The following UXS1 variants were observed in gnomAD, a reference collection of about 807,000 sequenced individuals.
UXS1 encodes the protein UDP-glucuronate decarboxylase 1.
In UXS1, 33 loss-of-function variants were observed where a neutral mutation model predicts 62.6. That is an observed-to-expected ratio of 0.53 (90% confidence interval 0.40 to 0.70). The LOEUF is 0.70. Among genes scored for constraint, UXS1 ranks in the 30% least tolerant of loss-of-function variants. UXS1 has a pLI of 0.00. For missense variants in UXS1, 434 were observed against 556.3 expected, an observed-to-expected ratio of 0.78 and a Z score of 2.21; for synonymous variants, 213 against 206.8, an observed-to-expected ratio of 1.03 and a Z score of -0.26.
intron 6 of UXS1, among the ~76,000 whole-genome samples, chr2:106,133,942 C>G (rs1275482045): frequency 7.6e-6 from 1 of 132,434 alleles, no homozygotes; most frequent in Non-Finnish European, 1.6e-5. Context: ...ACACAAAAAA[C>G]CCTTCAAAAA....
At chr2:106,134,006 C>T (rs1380125950) in intron 6 of UXS1, among the ~76,000 whole-genome samples, 3,704 of 99,398 alleles carry the variant, frequency 0.037, no homozygotes, top group Admixed American at 0.056. Flanking sequence ...ATTGATAGAC[C>T]GCTAGCAAGA....
At chr2:106,103,511 A>T (rs1677784344) in intron 11 of UXS1, among the ~76,000 whole-genome samples, 1 of 152,226 alleles carries the variant, frequency 6.6e-6, no homozygotes, top group Non-Finnish European at 1.5e-5. Flanking sequence ...GGAGGCCCAC[A>T]ATTTGGTCCC....
At chr2:106,108,929 A>C (rs1172868946) in intron 10 of UXS1, among the ~76,000 whole-genome samples, 2 of 152,102 alleles carry the variant, frequency 1.3e-5, no homozygotes, top group African/African-American at 4.8e-5. Context: ...AGTCAGTTTC[A>C]CAAGAAACCC....
At chr2:106,116,090 G>A (rs982309068) in intron 9 of UXS1, among the ~76,000 whole-genome samples, 13 of 152,340 alleles carry the variant, frequency 8.5e-5, no homozygotes, top group African/African-American at 2.6e-4. Flanking sequence ...GTCCTGAGAC[G>A]TGGAGCCAAC....
intron 5 of UXS1, among the ~76,000 whole-genome samples, chr2:106,149,199 A>AT (rs369816746): frequency 2.6e-5 from 4 of 152,162 alleles, no homozygotes; most frequent in Non-Finnish European, 5.9e-5. Context: ...GAAAAAAAAA[A>AT]CTAAGTCTGT....
intron 5 of UXS1, among the ~76,000 whole-genome samples, chr2:106,146,500 G>A (rs1681577006): frequency 6.6e-6 from 1 of 152,142 alleles, no homozygotes; most frequent in Non-Finnish European, 1.5e-5. Context: ...CTGGATTTGA[G>A]TGGAGTGGTA....
chr2:106,166,257 A>T, intron 1 of UXS1, 174 bp from the exon 2 acceptor site: 1 of 661,952 alleles, frequency 1.5e-6, no homozygotes, highest in Admixed American at 3.2e-5. Context: ...CTACAAAATA[A>T]GTAAAAACAG....
At chr2:106,166,241 A>C (rs1683201084) in intron 1 of UXS1, 158 bp from the exon 2 acceptor site, 2 of 703,224 alleles carry the variant, frequency 2.8e-6, no homozygotes, top group East Asian at 5.7e-5. Flanking sequence ...AAACAATTAA[A>C]TCTTACTACA....
intron 1 of UXS1, among the ~76,000 whole-genome samples, chr2:106,185,827 G>A (rs565648517): frequency 5.9e-5 from 9 of 152,322 alleles, no homozygotes; most frequent in East Asian, 5.8e-4. Context: ...CCATGTCACC[G>A]CAGAGGCTGG....
intron 6 of UXS1, among the ~76,000 whole-genome samples, chr2:106,143,511 G>T (rs1400141878): frequency 1.4e-5 from 2 of 145,864 alleles, no homozygotes; most frequent in African/African-American, 5.1e-5. Flanking sequence ...GTTTTCTATT[G>T]CTGCCTAATC....
chr2:106,149,302 A>G (rs1298682415), intron 5 of UXS1, among the ~76,000 whole-genome samples: 1 of 152,180 alleles, frequency 6.6e-6, no homozygotes, highest in Non-Finnish European at 1.5e-5. Flanking sequence ...ATTCATGGCA[A>G]GATTTTGCAG....
At chr2:106,176,843 C>T (rs1683912458) in intron 1 of UXS1, among the ~76,000 whole-genome samples, 1 of 152,204 alleles carries the variant, frequency 6.6e-6, no homozygotes, top group African/African-American at 2.4e-5. Flanking sequence ...CTGAGCCCTC[C>T]AGGAAGCCAG....
At position 106,129,711 on chromosome 2, in the gene UXS1, T is replaced by C. The variant is rs371818327; in HGVS notation, c.540A>G (p.Thr180=). ...ATGTCCCAATCGTATTGGTCTTTAA[T>C]GTCTTGATAGGATTATACATGTAGT... is the stretch of plus-strand genomic sequence containing the variant. ...PPNYMYNPIK[T]LKTNTIGTLN... is the part of the protein sequence containing the mutation. The change falls in exon 7 of 15, where the codon ACA becomes ACG. Residue 180 remains threonine (T), a synonymous_variant. Coordinates refer to ENST00000283148, the MANE Select transcript of UXS1 (RefSeq NM_001253875.2). The C allele has an allele frequency of 3.7e-6, 6 of 1,612,578 alleles. No homozygotes were observed. The highest frequency in any genetic ancestry group is 5.1e-6 in the Non-Finnish European group (6 of 1,179,228).
chr2:106,120,070 C>T lies in UXS1; in HGVS notation c.759+2900G>A, dbSNP rs949702243. Among the ~76,000 whole-genome samples the T allele has an allele frequency of 3.3e-5, 5 of 152,324 alleles. No homozygotes were observed. In the East Asian group the frequency reaches 9.7e-4, roughly 29 times the overall value. Reference sequence around the variant, plus strand: ...AGGCACCATTTTCCTCCCTCCTCAGCACCCATTCAGAAAAAAGTGGGAATG... The same window carrying T: ...AGGCACCATTTTCCTCCCTCCTCAGTACCCATTCAGAAAAAAGTGGGAATG... On this transcript the variant is annotated intron_variant, in intron 9 of 14. Transcript: ENST00000283148.
chr2:106,173,391 A>G (rs575706088), intron 1 of UXS1, among the ~76,000 whole-genome samples: 11 of 152,212 alleles, frequency 7.2e-5, no homozygotes, highest in Admixed American at 5.9e-4. Context: ...TGTCTCTACA[A>G]AAAAATACAA....
intron 5 of UXS1, among the ~76,000 whole-genome samples, chr2:106,155,382 C>A (rs1275365670): frequency 6.6e-6 from 1 of 152,050 alleles, no homozygotes; most frequent in Non-Finnish European, 1.5e-5. Context: ...AGCAAGTGAC[C>A]CCAAATAGTA....
At chr2:106,173,294 G>A (rs150224203) in intron 1 of UXS1, among the ~76,000 whole-genome samples, 1 of 152,338 alleles carries the variant, frequency 6.6e-6, no homozygotes, top group Non-Finnish European at 1.5e-5. Flanking sequence ...GGGTGTGGTG[G>A]CTGATGCCTG....
At chr2:106,165,958 A>G in intron 2 of UXS1, 98 bp downstream of exon 2, 1 of 1,209,756 alleles carries the variant, frequency 8.3e-7, no homozygotes, top group Non-Finnish European at 1.1e-6. Context: ...TTTTAAAAAT[A>G]TTTTTCAATT....
rs113535684 is a variant in UXS1, at chr2:106,176,663, G to A, written c.95-10580C>T. Among the ~76,000 whole-genome samples, 704 of 152,290 alleles carry A rather than the reference G, an allele frequency of 4.6e-3. 10 individuals carry two copies. The highest frequency in any genetic ancestry group is 0.017 in the African/African-American group (690 of 41,574). On this transcript the variant is annotated intron_variant, in intron 1 of 14. Coordinates refer to ENST00000283148, the MANE Select transcript of UXS1 (RefSeq NM_001253875.2). ...CAGACTAGAGAAGCACTCTGCAGCC[G>A]CCCTCAGCCTTCCAGGCCTGTGCTC...
Sources: gnomAD v4.1 joint callset for allele counts (sites outside exome capture counted in the v4.1 genomes callset) on GRCh38, gnomAD v4.1.1 for gene constraint, MANE v1.5 for transcripts, NCBI Gene and HGNC (gene_info 2026-07-23, HGNC 2026-07-21) for gene names.